PDE4D: variants seen among roughly 807,000 people sequenced by gnomAD.
The protein encoded by PDE4D is phosphodiesterase 4D, also known as 3',5'-cyclic-AMP phosphodiesterase 4D.
A neutral mutation model predicts 87.4 loss-of-function variants in PDE4D; 24 were observed. That is an observed-to-expected ratio of 0.27 (90% CI 0.20 to 0.39). The LOEUF (loss-of-function observed/expected upper bound fraction) is 0.39, where lower values mean the gene tolerates loss of function less well. Ranked by LOEUF, PDE4D falls within the 10% of genes least tolerant of loss-of-function variation. The pLI is 1.00. For synonymous variants in PDE4D, 384 were observed against 383.2 expected (o/e 1.00, Z -0.02); for missense variants, 714 against 1,041.0 (o/e 0.69, Z 4.32).
At chr5:60,255,721 T>C (rs537328825) in intron 1 of PDE4D, among the ~76,000 whole-genome samples, 3 of 151,816 alleles carry the variant, frequency 2.0e-5, no homozygotes, top group Non-Finnish European at 4.4e-5. Flanking sequence ...GTGCAGTGGC[T>C]CACACCTTTA....
rs369108599 is a variant in PDE4D at position 59,103,113 on chromosome 5, C to A, written c.809-64142G>T. 1.4e-4 allele frequency among the ~76,000 whole-genome samples: 21 copies of A among 152,274 alleles called. No individual in the cohort carries two copies. The South Asian group carries it at 3.1e-3, about 23-fold the overall frequency. ...ATCCTGTCTACTTGTCAATATATTT[C>A]TCACTGTGAATTCCCTAATTCATGT... is the stretch of plus-strand genomic sequence containing the variant. On this transcript the variant is annotated intron_variant, in intron 5 of 14. Transcript: ENST00000340635.
rs1825091792 is a variant in PDE4D, at chr5:59,586,203, GCA to G, written c.455+306963_455+306964del. ...ACTTTCTCAGACAATATTCGGTTTTGCACAGTTTACTTTTCATTCTCACTTGA... is the reference window on the plus strand; with the variant it reads ...ACTTTCTCAGACAATATTCGGTTTTGCAGTTTACTTTTCATTCTCACTTGA... On this transcript the variant is annotated intron_variant, in intron 1 of 14. Transcript: ENST00000340635. 4 of 695,770 alleles carry G rather than the reference GCA, an allele frequency of 5.7e-6. No individual in the cohort carries two copies. The South Asian group carries it at 8.7e-5, about 15-fold the overall frequency. The allele number at this position is 695,770 out of a possible 1,614,324, so 43.1% of individuals were successfully genotyped here. A position where few individuals can be genotyped will look rare whatever the true frequency, so the allele number is the denominator to read the frequency against.
intron 3 of PDE4D, among the ~76,000 whole-genome samples, chr5:59,948,347 C>G (rs933639958): frequency 3.3e-5 from 5 of 152,106 alleles, no homozygotes; most frequent in African/African-American, 1.2e-4. Flanking sequence ...TATATAAGTT[C>G]TGTATATGGA....
chr5:58,980,831 A>G (rs1253967365), intron 11 of PDE4D, among the ~76,000 whole-genome samples: 1 of 152,132 alleles, frequency 6.6e-6, no homozygotes, highest in African/African-American at 2.4e-5. Flanking sequence ...TGAGAAAAAG[A>G]CACATTTATT....
At chr5:59,796,018 CT>C (rs1267932221) in intron 1 of PDE4D, among the ~76,000 whole-genome samples, 2 of 152,170 alleles carry the variant, frequency 1.3e-5, no homozygotes, top group African/African-American at 4.8e-5. Flanking sequence ...AGGAAACAAC[CT>C]TGACAACACA....
intron 1 of PDE4D, among the ~76,000 whole-genome samples, chr5:59,229,918 G>T (rs1333719033): frequency 6.6e-6 from 1 of 151,972 alleles, no homozygotes; most frequent in Non-Finnish European, 1.5e-5. Context: ...CCTGCCTCAG[G>T]CCCCCGAGTA....
chr5:59,986,386 C>A (rs1038009965), intron 3 of PDE4D: 1 of 152,166 alleles, frequency 6.6e-6, no homozygotes. Context: ...TATCCAACTA[C>A]ATAGAGATAT....
chr5:59,051,007 T>G (rs1382880695), intron 5 of PDE4D, among the ~76,000 whole-genome samples: 1 of 152,266 alleles, frequency 6.6e-6, no homozygotes, highest in Non-Finnish European at 1.5e-5. Context: ...TTACTATTTT[T>G]CCATCATCAC....
At position 60,214,337 on chromosome 5, in the gene PDE4D, A is replaced by G. The variant is rs1743596538; in HGVS notation, c.-89-28650T>C. On this transcript the variant is annotated intron_variant, in intron 1 of 16. Transcript: ENST00000502484. ...TTTCTCCAGCAAATTCATAGAAAGG[A>G]GACAGGATACTTTGACAATCTTTCT... Among the ~76,000 whole-genome samples, 3 of 152,202 alleles carry G rather than the reference A, an allele frequency of 2.0e-5. No individual in the cohort carries two copies. In the South Asian group the frequency reaches 6.2e-4, roughly 32 times the overall value.
chr5:60,439,922 A>C (rs440607), intron 1 of PDE4D, among the ~76,000 whole-genome samples: 4,177 of 103,636 alleles, frequency 0.04, 89 homozygotes, highest in South Asian at 0.14. Flanking sequence ...TGTTTAAAAA[A>C]AAAAACAAAA....
At chr5:59,540,672 C>T (rs1816169642) in intron 1 of PDE4D, among the ~76,000 whole-genome samples, 1 of 152,108 alleles carries the variant, frequency 6.6e-6, no homozygotes, top group Admixed American at 6.6e-5. Flanking sequence ...TTCTCATAGC[C>T]ACAAAGGAAG....
intron 1 of PDE4D, among the ~76,000 whole-genome samples, chr5:60,256,308 A>T (rs1227916139): frequency 6.6e-6 from 1 of 151,968 alleles, no homozygotes; most frequent in East Asian, 1.9e-4. Flanking sequence ...AATTATTTTT[A>T]AGCATGGCCT....
At chr5:59,976,973 G>C (rs549725902) in intron 3 of PDE4D, among the ~76,000 whole-genome samples, 40 of 152,248 alleles carry the variant, frequency 2.6e-4, no homozygotes, top group African/African-American at 8.7e-4. Context: ...CTGCTTCACT[G>C]ACTGGCCATT....
intron 2 of PDE4D, among the ~76,000 whole-genome samples, chr5:60,166,944 G>A (rs1054435763): frequency 4.0e-5 from 6 of 151,876 alleles, no homozygotes; most frequent in Non-Finnish European, 5.9e-5. Context: ...CTTATGTGTT[G>A]TATGCTTATT....
At chr5:60,417,579 G>A (rs1296787773) in intron 1 of PDE4D, among the ~76,000 whole-genome samples, 1 of 152,186 alleles carries the variant, frequency 6.6e-6, no homozygotes, top group African/African-American at 2.4e-5. Flanking sequence ...AATAGGCCAG[G>A]AAGGGTATTT....
At chr5:59,768,564 G>A (rs1331017969) in intron 1 of PDE4D, 3 of 1,586,512 alleles carry the variant, frequency 1.9e-6, no homozygotes, top group East Asian at 2.2e-5. Flanking sequence ...TGGTTCCCTC[G>A]CTCACGGTCC....
intron 1 of PDE4D, among the ~76,000 whole-genome samples, chr5:59,782,167 C>T (rs991895407): frequency 6.6e-6 from 1 of 152,182 alleles, no homozygotes; most frequent in African/African-American, 2.4e-5. Context: ...TTCAGACCAA[C>T]TCTAAAATAC....
At chr5:60,513,812 A>G (rs939320642) in intron 1 of PDE4D, among the ~76,000 whole-genome samples, 3 of 151,936 alleles carry the variant, frequency 2.0e-5, no homozygotes, top group African/African-American at 7.2e-5. Context: ...AATTTGTGCC[A>G]TATAGCTAAA....
At chr5:59,932,455 T>C (rs1320143436) in intron 3 of PDE4D, among the ~76,000 whole-genome samples, 1 of 152,210 alleles carries the variant, frequency 6.6e-6, no homozygotes, top group Non-Finnish European at 1.5e-5. Flanking sequence ...AATCATAAAG[T>C]AGCTACTATT....
Sources: allele counts gnomAD v4.1 joint callset (sites outside exome capture counted in the v4.1 genomes callset), GRCh38; gene constraint gnomAD v4.1.1; transcripts MANE v1.5; gene names NCBI Gene and HGNC (gene_info 2026-07-23, HGNC 2026-07-21).